Variants in GLIS1 observed in about 807,000 individuals in gnomAD.
GLIS1 encodes the protein zinc finger protein GLIS1.
GLIS1 carries 24 observed loss-of-function variants against 63.8 expected under a neutral mutation model. The observed-to-expected ratio is 0.38, with a 90% CI of 0.27 to 0.53. The LOEUF is 0.53. GLIS1 is among the 20% of genes least tolerant of loss of function. The pLI is 0.85. For missense variants in GLIS1, 1,036 were observed against 1,074.1 expected, an observed-to-expected ratio of 0.96 and a Z score of 0.50; for synonymous variants, 450 against 482.5, an observed-to-expected ratio of 0.93 and a Z score of 0.88.
intron 2 of GLIS1, among the ~76,000 whole-genome samples, chr1:53,725,537 C>G (rs1411103384): frequency 6.6e-6 from 1 of 152,202 alleles, no homozygotes; most frequent in Non-Finnish European, 1.5e-5. Context: ...GGTGCTGATG[C>G]CGCACAGAGG....
chr1:53,546,194 A>C (rs1325259504), intron 4 of GLIS1, among the ~76,000 whole-genome samples: 1 of 152,220 alleles, frequency 6.6e-6, no homozygotes, highest in African/African-American at 2.4e-5. Flanking sequence ...CTGAGGAGGC[A>C]GGGGGCTGGT....
chr1:53,608,169 C>T (rs1569910273), intron 2 of GLIS1, among the ~76,000 whole-genome samples: 1 of 152,160 alleles, frequency 6.6e-6, no homozygotes, highest in East Asian at 1.9e-4. Context: ...CACTATGTTT[C>T]CCAGGCTGGT....
chr1:53,617,540 T>C (rs3006897), intron 2 of GLIS1, among the ~76,000 whole-genome samples: 115,862 of 152,202 alleles, frequency 0.76, 44,203 homozygotes, highest in Middle Eastern at 0.86. Context: ...CCACGCTACT[T>C]GTGACATCTG....
intron 4 of GLIS1, among the ~76,000 whole-genome samples, chr1:53,555,572 T>C (rs1017304639): frequency 3.3e-5 from 5 of 152,212 alleles, no homozygotes; most frequent in South Asian, 2.1e-4. Context: ...CATATTTGGA[T>C]TGTTTGTAAC....
At chr1:53,714,669 C>A (rs180881362) in intron 2 of GLIS1, among the ~76,000 whole-genome samples, 137 of 152,336 alleles carry the variant, frequency 9.0e-4, no homozygotes, top group Admixed American at 1.7e-3. Flanking sequence ...AGTGGCCAAG[C>A]CTCTTTAGAG....
intron 4 of GLIS1, among the ~76,000 whole-genome samples, chr1:53,532,008 G>A (rs1241372925): frequency 6.6e-6 from 1 of 152,202 alleles, no homozygotes; most frequent in Non-Finnish European, 1.5e-5. Flanking sequence ...CTGAGTGGTT[G>A]ATGTGGGGTT....
intron 2 of GLIS1, among the ~76,000 whole-genome samples, chr1:53,705,908 T>C (rs1200684865): frequency 6.6e-6 from 1 of 152,192 alleles, no homozygotes; most frequent in African/African-American, 2.4e-5. Context: ...CAGGTCCTGG[T>C]GCAGCAGTCA....
At chr1:53,709,768 G>A (rs1646627044) in intron 2 of GLIS1, among the ~76,000 whole-genome samples, 1 of 152,212 alleles carries the variant, frequency 6.6e-6, no homozygotes, top group African/African-American at 2.4e-5. Flanking sequence ...CAGAGCTAGA[G>A]CAGAGTACAT....
At chr1:53,522,986 C>CTTTTTTTTTT (rs1553120127) in intron 6 of GLIS1, among the ~76,000 whole-genome samples, 3 of 43,690 alleles carry the variant, frequency 6.9e-5, no homozygotes, top group African/African-American at 1.3e-4. Flanking sequence ...TCTTTTCTTT[C>CTTTTTTTTTT]TTTTTTTTTT....
intron 2 of GLIS1, among the ~76,000 whole-genome samples, chr1:53,689,078 C>A (rs759494678): frequency 1.3e-5 from 2 of 152,242 alleles, no homozygotes; most frequent in East Asian, 3.8e-4. Context: ...TCTCTCAGGT[C>A]GTTTGATGGT....
intron 4 of GLIS1, among the ~76,000 whole-genome samples, chr1:53,590,780 G>A (rs780082992): frequency 1.2e-4 from 17 of 144,440 alleles, no homozygotes; most frequent in South Asian, 2.3e-4. Flanking sequence ...TGGATGGGCC[G>A]TGCAGAGGGC....
At chr1:53,549,473 G>A (rs1644737621) in intron 4 of GLIS1, among the ~76,000 whole-genome samples, 2 of 152,190 alleles carry the variant, frequency 1.3e-5, no homozygotes, top group African/African-American at 4.8e-5. Flanking sequence ...CCCTTCTAGT[G>A]GGTGTGAAGT....
At chr1:53,543,074 T>C (rs1316690453) in intron 4 of GLIS1, among the ~76,000 whole-genome samples, 1 of 152,204 alleles carries the variant, frequency 6.6e-6, no homozygotes, top group African/African-American at 2.4e-5. Flanking sequence ...CAGTGATCTG[T>C]GAACTGCCAG....
intron 2 of GLIS1, among the ~76,000 whole-genome samples, chr1:53,718,346 G>C (rs192923328): frequency 1.9e-4 from 29 of 152,270 alleles, no homozygotes; most frequent in African/African-American, 7.0e-4. Flanking sequence ...ACGGAACTGA[G>C]GGAACCTGAT....
At chr1:53,665,881 C>T (rs1231752432) in intron 2 of GLIS1, among the ~76,000 whole-genome samples, 1 of 152,114 alleles carries the variant, frequency 6.6e-6, no homozygotes, top group African/African-American at 2.4e-5. Flanking sequence ...CAACATCGAA[C>T]GCCCTGGGGA....
At chr1:53,593,708 G>A (rs772675742) in intron 4 of GLIS1, among the ~76,000 whole-genome samples, 2 of 152,222 alleles carry the variant, frequency 1.3e-5, no homozygotes, top group Non-Finnish European at 2.9e-5. Flanking sequence ...TGAGGGCCCA[G>A]CGCTGGAGGA....
intron 5 of GLIS1, among the ~76,000 whole-genome samples, chr1:53,525,481 AGTCTGGCGG>A (rs1644458251): frequency 3.1e-5 from 2 of 63,716 alleles, no homozygotes; most frequent in East Asian, 5.3e-4. Context: ...GAGGCTGGGG[AGTCTGGCGG>A]GGCTGGGGGC....
intron 1 of GLIS1, 33 bp from the exon 2 acceptor site, chr1:53,738,139 T>A: frequency 8.5e-7 from 1 of 1,179,608 alleles, no homozygotes. Context: ...CCAGTTAGAA[T>A]GCGGAAAGCG....
At chr1:53,678,834 G>A (rs570922567) in intron 2 of GLIS1, among the ~76,000 whole-genome samples, 2 of 152,184 alleles carry the variant, frequency 1.3e-5, no homozygotes, top group South Asian at 2.1e-4. Context: ...GGAAAGCACC[G>A]CACAAGCTGA....
Sources: gnomAD v4.1 joint callset for allele counts (sites outside exome capture counted in the v4.1 genomes callset) on GRCh38, gnomAD v4.1.1 for gene constraint, MANE v1.5 for transcripts, NCBI Gene and HGNC (gene_info 2026-07-23, HGNC 2026-07-21) for gene names.